Variants in CDH11 observed in about 807,000 individuals in gnomAD.
The protein encoded by CDH11 is cadherin-11.
CDH11 carries 11 observed loss-of-function variants against 67.8 expected under a neutral mutation model. That is an observed-to-expected ratio of 0.16 (90% CI 0.10 to 0.27). The LOEUF is 0.27. CDH11 is among the 10% of genes least tolerant of loss of function. CDH11 has a pLI of 1.00. For synonymous variants in CDH11, 419 were observed against 400.0 expected, an observed-to-expected ratio of 1.05 and a Z score of -0.57; for missense variants, 847 against 1,031.2, an observed-to-expected ratio of 0.82 and a Z score of 2.45.
chr16:64,993,018 C>T lies in CDH11; in HGVS notation c.540G>A (p.Gln180=). Residue 180 remains glutamine (Q), a synonymous_variant, in exon 5 of 13, where the codon CAG becomes CAA. Transcript: ENST00000268603. ...GGTCATCTGCATCTGAAGCTGTCAC[C>T]TGGATTACTGACGTTCCTTAAAAGT... The part of the protein sequence containing the change: ...ERSNVGTSVI[Q]VTASDADDPT... 3 of 1,611,100 alleles carry T rather than the reference C, an allele frequency of 1.9e-6. No homozygotes were observed. In the South Asian group the frequency reaches 3.3e-5, roughly 18 times the overall value.
At chr16:65,058,519 T>C (rs1034685755) in intron 1 of CDH11, among the ~76,000 whole-genome samples, 2 of 152,202 alleles carry the variant, frequency 1.3e-5, no homozygotes, top group African/African-American at 4.8e-5. Context: ...TGGGGGCTTC[T>C]TCCTTTTTTG....
chr16:65,046,486 T>C (rs968295387), intron 2 of CDH11, among the ~76,000 whole-genome samples: 3 of 152,226 alleles, frequency 2.0e-5, no homozygotes, highest in African/African-American at 7.2e-5. Flanking sequence ...TCAGGGAAAC[T>C]GACAATGAGA....
chr16:64,975,038 A>C (rs1303301210), intron 8 of CDH11, among the ~76,000 whole-genome samples: 2 of 152,178 alleles, frequency 1.3e-5, no homozygotes, highest in Non-Finnish European at 2.9e-5. Context: ...CTTGTCTTGA[A>C]CAGCTGGGCT....
At position 65,040,449 on chromosome 16, in the gene CDH11, G is replaced by A. The variant is rs181057316; in HGVS notation, c.-173+13355C>T. Among the ~76,000 whole-genome samples the A allele has an allele frequency of 1.4e-3, 218 of 151,832 alleles. 3 individuals carry two copies. The East Asian group carries it at 0.028, about 19-fold the overall frequency. On this transcript the variant is annotated intron_variant, in intron 2 of 12. Coordinates refer to ENST00000268603, the MANE Select transcript of CDH11 (RefSeq NM_001797.4). ...AAACCATCATTCTCAGCAAACTATCGCAAGGACAAAAAAACCAAACACCGC... is the reference window on the plus strand; with the variant it reads ...AAACCATCATTCTCAGCAAACTATCACAAGGACAAAAAAACCAAACACCGC...
intron 1 of CDH11, among the ~76,000 whole-genome samples, chr16:65,090,784 A>G (rs886588495): frequency 2.0e-5 from 3 of 152,232 alleles, no homozygotes; most frequent in African/African-American, 7.2e-5. Flanking sequence ...TTATTTTTAA[A>G]TCCAAAGTTC....
At chr16:65,114,579 CAA>C (rs751049261) in intron 1 of CDH11, among the ~76,000 whole-genome samples, 1 of 152,062 alleles carries the variant, frequency 6.6e-6, no homozygotes. Flanking sequence ...AGTAGGATCT[CAA>C]AAAGTTGTCT....
intron 11 of CDH11, among the ~76,000 whole-genome samples, chr16:64,966,914 T>C (rs924309522): frequency 1.3e-5 from 2 of 152,130 alleles, no homozygotes. Flanking sequence ...CTGACAAATA[T>C]ATAATTTAAG....
chr16:65,093,620 C>T (rs369635413), intron 1 of CDH11, among the ~76,000 whole-genome samples: 12 of 152,058 alleles, frequency 7.9e-5, no homozygotes, highest in African/African-American at 2.7e-4. Context: ...TATACACACG[C>T]GTACACAGCA....
At chr16:65,043,662 G>T (rs2073905184) in intron 2 of CDH11, among the ~76,000 whole-genome samples, 1 of 152,212 alleles carries the variant, frequency 6.6e-6, no homozygotes, top group South Asian at 2.1e-4. Context: ...GTGAACTGGG[G>T]AACTGGGTGG....
intron 12 of CDH11, among the ~76,000 whole-genome samples, chr16:64,950,079 G>T (rs1597003101): frequency 6.6e-6 from 1 of 152,120 alleles, no homozygotes; most frequent in East Asian, 1.9e-4. Context: ...GAGACTTTGG[G>T]ATAAAATGAT....
At chr16:65,033,195 G>T (rs1304043371) in intron 2 of CDH11, among the ~76,000 whole-genome samples, 1 of 150,226 alleles carries the variant, frequency 6.7e-6, no homozygotes, top group Non-Finnish European at 1.5e-5. Context: ...GCAGGGCTTG[G>T]TCTAGAAGGC....
At chr16:64,976,887 C>CAACT (rs2072188870) in intron 8 of CDH11, among the ~76,000 whole-genome samples, 2 of 134,732 alleles carry the variant, frequency 1.5e-5, no homozygotes, top group Admixed American at 1.5e-4. Flanking sequence ...ACCAACCAAC[C>CAACT]AACCAACAAA....
intron 2 of CDH11, among the ~76,000 whole-genome samples, chr16:65,031,661 A>G (rs2073646203): frequency 6.6e-6 from 1 of 152,178 alleles, no homozygotes; most frequent in African/African-American, 2.4e-5. Flanking sequence ...CTTGCTCAAG[A>G]AAGAGGAAAG....
At chr16:65,093,118 A>G (rs2074822092) in intron 1 of CDH11, among the ~76,000 whole-genome samples, 1 of 149,910 alleles carries the variant, frequency 6.7e-6, no homozygotes, top group African/African-American at 2.5e-5. Flanking sequence ...ATCTATTTTT[A>G]GTAGAGATGG....
intron 11 of CDH11, among the ~76,000 whole-genome samples, chr16:64,954,424 A>C (rs557538693): frequency 6.6e-6 from 1 of 152,278 alleles, no homozygotes; most frequent in African/African-American, 2.4e-5. Flanking sequence ...TCATCTTTAA[A>C]ATTAGGAGAC....
intron 1 of CDH11, among the ~76,000 whole-genome samples, chr16:65,060,400 CTAGAA>C (rs1376210693): frequency 6.6e-6 from 1 of 151,190 alleles, no homozygotes; most frequent in African/African-American, 2.4e-5. Flanking sequence ...TTGAGAACAG[CTAGAA>C]TAGAAGGAAA....
chr16:65,077,825 C>T (rs770738801), intron 1 of CDH11, among the ~76,000 whole-genome samples: 1 of 152,188 alleles, frequency 6.6e-6, no homozygotes, highest in Non-Finnish European at 1.5e-5. Flanking sequence ...TAAGACTTTG[C>T]TGCAGCTTAC....
At chr16:64,985,617 A>G (rs2072467199) in intron 7 of CDH11, 1 of 151,586 alleles carries the variant, frequency 6.6e-6, no homozygotes, top group Admixed American at 6.6e-5. Context: ...TTATCACACT[A>G]TTGCAGTCAA....
At chr16:64,949,667 C>T (rs1477192580) in intron 12 of CDH11, among the ~76,000 whole-genome samples, 1 of 152,034 alleles carries the variant, frequency 6.6e-6, no homozygotes, top group African/African-American at 2.4e-5. Flanking sequence ...TTCAGGTGAT[C>T]AGCCTGCCTC....
Sources: gnomAD v4.1 joint callset for allele counts (sites outside exome capture counted in the v4.1 genomes callset) on GRCh38, gnomAD v4.1.1 for gene constraint, MANE v1.5 for transcripts, NCBI Gene and HGNC (gene_info 2026-07-23, HGNC 2026-07-21) for gene names.